The following MCU variants were observed in gnomAD, a reference collection of about 807,000 sequenced individuals.
The protein encoded by MCU is calcium uniporter protein, mitochondrial.
Under a neutral mutation model 45.2 loss-of-function variants are expected in MCU, and 12 were observed. That is an observed-to-expected ratio of 0.27 (90% CI 0.17 to 0.43). The LOEUF (loss-of-function observed/expected upper bound fraction) is 0.43. Ranked by LOEUF, MCU falls within the 20% of genes least tolerant of loss-of-function variation. The pLI is 1.00. For synonymous variants in MCU, 160 were observed against 165.1 expected (o/e 0.97, Z 0.24); for missense variants, 324 against 436.7 (o/e 0.74, Z 2.30).
intron 2 of MCU, among the ~76,000 whole-genome samples, chr10:72,849,956 C>A (rs569750669): frequency 2.7e-5 from 4 of 150,684 alleles, no homozygotes; most frequent in South Asian, 4.2e-4. Context: ...TCTTGTTGCC[C>A]AGGCTGGAGT....
chr10:72,815,301 C>T (rs1356524795), intron 1 of MCU, among the ~76,000 whole-genome samples: 1 of 152,154 alleles, frequency 6.6e-6, no homozygotes, highest in East Asian at 1.9e-4. Flanking sequence ...GGTTGCTGAA[C>T]TTCGTTCTTG....
In MCU at chr10:72,734,788, AT is replaced by A. The variant is rs1185701798; in HGVS notation, c.150+42498del. On this transcript the variant is annotated intron_variant, in intron 1 of 7. Coordinates refer to ENST00000373053, the MANE Select transcript of MCU (RefSeq NM_138357.3). Reference sequence around the variant, plus strand: ...GACACCATGCCTAGCTATTAAAAAAATTTTTTTTTTTGTGGAGACAGGTCTC... The same window carrying A: ...GACACCATGCCTAGCTATTAAAAAAATTTTTTTTTTGTGGAGACAGGTCTC... Among the ~76,000 whole-genome samples, 8 of 148,144 alleles carry A rather than the reference AT, an allele frequency of 5.4e-5. No individual in the cohort carries two copies. The South Asian group carries it at 6.4e-4, about 12-fold the overall frequency.
At chr10:72,774,505 C>T (rs1843860645) in intron 1 of MCU, among the ~76,000 whole-genome samples, 1 of 151,980 alleles carries the variant, frequency 6.6e-6, no homozygotes, top group Non-Finnish European at 1.5e-5. Context: ...TCAAAACAAT[C>T]AGAAAATAAG....
intron 1 of MCU, among the ~76,000 whole-genome samples, chr10:72,798,104 A>G (rs1303754265): frequency 2.0e-5 from 3 of 149,064 alleles, no homozygotes; most frequent in Non-Finnish European, 4.4e-5. Context: ...TACATACTCA[A>G]TGATGTATAA....
At chr10:72,812,161 T>C (rs1358741708) in intron 1 of MCU, among the ~76,000 whole-genome samples, 1 of 152,182 alleles carries the variant, frequency 6.6e-6, no homozygotes, top group South Asian at 2.1e-4. Flanking sequence ...TTTTTTTTCT[T>C]TTTGAGAGGG....
At chr10:72,812,786 A>C (rs1844565254) in intron 1 of MCU, among the ~76,000 whole-genome samples, 1 of 152,174 alleles carries the variant, frequency 6.6e-6, no homozygotes, top group African/African-American at 2.4e-5. Flanking sequence ...GCTTTATGTA[A>C]TGTTTTATCA....
At chr10:72,746,696 C>T (rs1843419637) in intron 1 of MCU, among the ~76,000 whole-genome samples, 1 of 152,098 alleles carries the variant, frequency 6.6e-6, no homozygotes, top group African/African-American at 2.4e-5. Flanking sequence ...GTTTAGCAGC[C>T]ATCTGAAATG....
At chr10:72,794,043 A>G (rs142676576) in intron 1 of MCU, among the ~76,000 whole-genome samples, 2 of 152,168 alleles carry the variant, frequency 1.3e-5, no homozygotes, top group South Asian at 2.1e-4. Context: ...TACAGTATCA[A>G]CTCTAAGTCT....
intron 1 of MCU, among the ~76,000 whole-genome samples, chr10:72,822,468 A>G (rs1168944778): frequency 1.3e-5 from 2 of 152,240 alleles, no homozygotes; most frequent in Non-Finnish European, 2.9e-5. Context: ...CTAGAGTAAC[A>G]TGACTTACCA....
At chr10:72,859,127 AC>A in intron 2 of MCU, 49 bp from the exon 3 acceptor site, 1 of 1,491,688 alleles carries the variant, frequency 6.7e-7, no homozygotes, top group Non-Finnish European at 9.0e-7. Context: ...TGTGACTTTA[AC>A]TTACATTGAA....
At chr10:72,698,976 A>G (rs1310057523) in intron 1 of MCU, among the ~76,000 whole-genome samples, 2 of 151,860 alleles carry the variant, frequency 1.3e-5, no homozygotes, top group African/African-American at 4.8e-5. Flanking sequence ...GCTAATTTTT[A>G]AATTTTTTGT....
chr10:72,718,902 A>G (rs1564537558), intron 1 of MCU, among the ~76,000 whole-genome samples: 1 of 152,244 alleles, frequency 6.6e-6, no homozygotes, highest in Non-Finnish European at 1.5e-5. Context: ...GATTCCATTT[A>G]TATGAATTCA....
At chr10:72,825,688 C>T (rs1844787880) in intron 1 of MCU, among the ~76,000 whole-genome samples, 1 of 152,076 alleles carries the variant, frequency 6.6e-6, no homozygotes, top group African/African-American at 2.4e-5. Context: ...AGACAAGGCC[C>T]CATAGCATTA....
At position 72,766,847 on chromosome 10, in the gene MCU, G is replaced by A. The variant is rs187665917; in HGVS notation, c.151-67512G>A. 6 of 152,314 alleles carry A rather than the reference G, an allele frequency of 3.9e-5. No individual in the cohort carries two copies. In the East Asian group the frequency reaches 1.2e-3, roughly 29 times the overall value. 9.4% of individuals were successfully genotyped at this position (152,314 alleles called of 1,614,324 possible). On this transcript the variant is annotated intron_variant, in intron 1 of 7. Coordinates refer to ENST00000373053, the MANE Select transcript of MCU (RefSeq NM_138357.3). ...AATAAATTTCATTTCCCAAAGATGAGTAGGTATGAAAAATAATACTCAGAA... is the reference window on the plus strand; with the variant it reads ...AATAAATTTCATTTCCCAAAGATGAATAGGTATGAAAAATAATACTCAGAA...
At chr10:72,798,452 C>T (rs1029559121) in intron 1 of MCU, among the ~76,000 whole-genome samples, 15 of 151,996 alleles carry the variant, frequency 9.9e-5, no homozygotes, top group Admixed American at 5.2e-4. Flanking sequence ...TCACCATGCC[C>T]GGCTAATTTT....
At chr10:72,868,682 A>C in intron 4 of MCU, 21 bp from the exon 5 acceptor site, 7 of 1,609,824 alleles carry the variant, frequency 4.3e-6, no homozygotes, top group Non-Finnish European at 5.1e-6. Flanking sequence ...CATTTTTTAA[A>C]AAATGTAACT....
chr10:72,854,815 CTGCT>C (rs1329916094), intron 2 of MCU, among the ~76,000 whole-genome samples: 2 of 152,202 alleles, frequency 1.3e-5, no homozygotes, highest in African/African-American at 4.8e-5. Context: ...TTGCCTGTGG[CTGCT>C]TTTGCACCAC....
intron 1 of MCU, among the ~76,000 whole-genome samples, chr10:72,824,350 C>A (rs1020300573): frequency 6.8e-6 from 1 of 146,908 alleles, no homozygotes; most frequent in Admixed American, 6.9e-5. Flanking sequence ...GTGTCTGCCA[C>A]CACGCCTGGC....
chr10:72,733,694 TATA>T lies in MCU; in HGVS notation c.150+41394_150+41396del, dbSNP rs1175454427. Among the ~76,000 whole-genome samples, 925 of 146,260 alleles carry T rather than the reference TATA, an allele frequency of 6.3e-3. 13 individuals are homozygous for T. Among genetic ancestry groups the T allele is most frequent in the African/African-American group, 0.019 (753 of 39,848 alleles). On this transcript the variant is annotated intron_variant, in intron 1 of 7. Coordinates refer to ENST00000373053, the MANE Select transcript of MCU (RefSeq NM_138357.3). Reference sequence around the variant, plus strand: ...TATATATGTTTCATATATATATATATATATATATATTTTTTTAAAGAACATTTA... The same window carrying T: ...TATATATGTTTCATATATATATATATTATATATTTTTTTAAAGAACATTTA...
Sources: gnomAD v4.1 joint callset for allele counts (sites outside exome capture counted in the v4.1 genomes callset) on GRCh38, gnomAD v4.1.1 for gene constraint, MANE v1.5 for transcripts, NCBI Gene and HGNC (gene_info 2026-07-23, HGNC 2026-07-21) for gene names.